Variants in TNRC6A observed in about 807,000 individuals in gnomAD.
The protein encoded by TNRC6A is trinucleotide repeat-containing gene 6A protein.
In TNRC6A, 44 loss-of-function variants were observed where a neutral mutation model predicts 221.2. That is an observed-to-expected ratio of 0.20 (90% CI 0.16 to 0.26). The LOEUF (loss-of-function observed/expected upper bound fraction) is 0.26, where lower values mean the gene tolerates loss of function less well. Ranked by LOEUF, TNRC6A falls within the 10% of genes least tolerant of loss-of-function variation. The pLI, the probability that TNRC6A is intolerant of heterozygous loss-of-function variation, is 1.00. For missense variants in TNRC6A, 2,199 were observed against 2,404.4 expected (o/e 0.91, Z 1.79); for synonymous variants, 847 against 838.5 (o/e 1.01, Z -0.18).
At chr16:24,754,234 A>G (rs376575494) in intron 3 of TNRC6A, among the ~76,000 whole-genome samples, 3 of 152,238 alleles carry the variant, frequency 2.0e-5, no homozygotes, top group African/African-American at 7.2e-5. Flanking sequence ...TATAAAAACA[A>G]TTAGACACCG....
At chr16:24,710,781 G>A (rs1031078447) in intron 2 of TNRC6A, among the ~76,000 whole-genome samples, 1 of 150,970 alleles carries the variant, frequency 6.6e-6, no homozygotes, top group Non-Finnish European at 1.5e-5. Flanking sequence ...GTGCGATCGT[G>A]GCTCACTGCA....
At chr16:24,737,294 A>G (rs920916486) in intron 2 of TNRC6A, among the ~76,000 whole-genome samples, 19 of 152,224 alleles carry the variant, frequency 1.2e-4, no homozygotes, top group Non-Finnish European at 1.5e-4. Context: ...AATAGTATCA[A>G]TAAGAGGAAG....
chr16:24,750,686 A>G, intron 2 of TNRC6A, 40 bp from the exon 3 acceptor site: 3 of 1,490,748 alleles, frequency 2.0e-6, no homozygotes, highest in Non-Finnish European at 2.7e-6. Context: ...TTTATTTCTT[A>G]ATACATTTTG....
At chr16:24,777,477 T>G in intron 5 of TNRC6A, 119 bp downstream of exon 5, 1 of 950,104 alleles carries the variant, frequency 1.1e-6, no homozygotes, top group Non-Finnish European at 1.6e-6. Context: ...GGCTTTAATG[T>G]AAGAGTTCTT....
intron 1 of TNRC6A, among the ~76,000 whole-genome samples, chr16:24,615,151 T>C (rs1900278824): frequency 6.6e-6 from 1 of 151,906 alleles, no homozygotes; most frequent in Non-Finnish European, 1.5e-5. Context: ...GTGTAAGAGG[T>C]AGAAATAACA....
At chr16:24,659,033 T>A (rs138413594) in intron 2 of TNRC6A, among the ~76,000 whole-genome samples, 255 of 152,132 alleles carry the variant, frequency 1.7e-3, no homozygotes, top group African/African-American at 5.3e-3. Flanking sequence ...GGTCTTGAAC[T>A]CCTGAGCTCA....
In TNRC6A at chr16:24,747,117, T is replaced by TA. The variant is rs1313395072; in HGVS notation, c.54-3608dup. 2.6e-5 allele frequency among the ~76,000 whole-genome samples: 4 copies of TA among 152,326 alleles called. 1 individual carries two copies. The Middle Eastern group carries it at 0.01, about 389-fold the overall frequency. ...ATCTATTTGTTTTTTCAGATCGAGA[T>TA]ATTGCATTTCCCCTAGTCAATGTAT... On this transcript the variant is annotated intron_variant, in intron 2 of 24. Coordinates refer to ENST00000395799, the MANE Select transcript of TNRC6A (RefSeq NM_014494.4).
intron 5 of TNRC6A, among the ~76,000 whole-genome samples, chr16:24,787,534 C>T (rs1316172677): frequency 6.6e-6 from 1 of 152,170 alleles, no homozygotes; most frequent in Non-Finnish European, 1.5e-5. Flanking sequence ...TGTTGGTTTG[C>T]TTACACCCAA....
rs1431952137 is a variant in TNRC6A at position 24,750,867 on chromosome 16, A to AC, written c.141+54_141+55insC. Reference sequence around the variant, plus strand: ...AGCAGTTTAAACATAGAATTAAAAAAAAATTACTCTTACAGATTTTGAAGG... The same window carrying AC: ...AGCAGTTTAAACATAGAATTAAAAAACAAATTACTCTTACAGATTTTGAAGG... On this transcript the variant is annotated intron_variant, in intron 3 of 24. Transcript: ENST00000395799. 3.0e-6 allele frequency: 4 copies of AC among 1,350,812 alleles called. No individual in the cohort carries two copies. The African/African-American group carries it at 6.0e-5, about 20-fold the overall frequency. 83.7% of individuals were successfully genotyped at this position (1,350,812 alleles called of 1,614,324 possible).
intron 1 of TNRC6A, among the ~76,000 whole-genome samples, chr16:24,628,160 T>G (rs1427303204): frequency 5.9e-5 from 9 of 151,944 alleles, no homozygotes. Context: ...GGCTCATGCC[T>G]GTAATCCCAG....
At chr16:24,783,601 A>T (rs1168124648) in intron 5 of TNRC6A, among the ~76,000 whole-genome samples, 1 of 151,510 alleles carries the variant, frequency 6.6e-6, no homozygotes, top group Non-Finnish European at 1.5e-5. Context: ...GTAGGATGTT[A>T]ATGATGCTTT....
At chr16:24,610,632 C>A (rs960096475) in intron 1 of TNRC6A, 1 of 152,344 alleles carries the variant, frequency 6.6e-6, no homozygotes, top group African/African-American at 2.4e-5. Flanking sequence ...GCCAAACAGA[C>A]GCAGCCTTCC....
chr16:24,797,381 T>C (rs1424859059), intron 9 of TNRC6A, 109 bp from the exon 10 acceptor site: 7 of 721,470 alleles, frequency 9.7e-6, no homozygotes, highest in South Asian at 2.2e-5. Context: ...GGAGAAATTA[T>C]TGGCTAAAAA....
At chr16:24,659,518 C>T (rs113089411) in intron 2 of TNRC6A, among the ~76,000 whole-genome samples, 5,274 of 152,194 alleles carry the variant, frequency 0.035, 213 homozygotes, top group East Asian at 0.14. Flanking sequence ...ACATGGCTCA[C>T]GGCAGCCTCT....
chr16:24,818,447 G>A, intron 20 of TNRC6A, 146 bp from the exon 21 acceptor site: 1 of 657,736 alleles, frequency 1.5e-6, no homozygotes, highest in Admixed American at 2.4e-5. Context: ...CAAGAAGGAA[G>A]ATGTCTCGGG....
chr16:24,806,293 G>A lies in TNRC6A; in HGVS notation c.4329+10G>A, dbSNP rs11859919. 1.7e-3 allele frequency: 2,703 copies of A among 1,613,800 alleles called. 35 individuals carry two copies. The African/African-American group carries it at 0.03, about 18-fold the overall frequency. ...GCAGCAAGACCAGCAGGTAGAGCCCGCCCTGCAACTCGCAATGCTGTCTTT... is the reference window on the plus strand; with the variant it reads ...GCAGCAAGACCAGCAGGTAGAGCCCACCCTGCAACTCGCAATGCTGTCTTT... On this transcript the variant is annotated intron_variant, in intron 16 of 24. Transcript: ENST00000395799.
At chr16:24,640,331 C>T (rs1901872559) in intron 1 of TNRC6A, among the ~76,000 whole-genome samples, 1 of 151,436 alleles carries the variant, frequency 6.6e-6, no homozygotes, top group Admixed American at 6.6e-5. Context: ...GCCTGGGAGG[C>T]CAAGGCTGCA....
chr16:24,730,145 C>T (rs867117243), intron 1 of TNRC6A, 108 bp from the exon 2 acceptor site: 19 of 1,119,048 alleles, frequency 1.7e-5, no homozygotes, highest in Non-Finnish European at 2.0e-5. Flanking sequence ...CTCCCCTCCC[C>T]CATCCGGCCC....
Position 24,806,199 on chromosome 16 carries a change from C to T in TNRC6A, c.4252-7C>T. ...TAGTAACAACCTTTTCGCTATCTTT[C>T]CTCTAGCGATTGTTAGCGCAGCAGC... On this transcript the variant is annotated splice_region_variant and splice_polypyrimidine_tract_variant and intron_variant, in intron 15 of 24. Coordinates refer to ENST00000395799, the MANE Select transcript of TNRC6A (RefSeq NM_014494.4). 6.2e-7 allele frequency: 1 copy of T among 1,613,824 alleles called. No individual in the cohort carries two copies. The highest frequency in any genetic ancestry group is 2.2e-5 in the East Asian group (1 of 44,884).
Sources: gnomAD v4.1 joint callset for allele counts (sites outside exome capture counted in the v4.1 genomes callset) on GRCh38, gnomAD v4.1.1 for gene constraint, MANE v1.5 for transcripts, NCBI Gene and HGNC (gene_info 2026-07-23, HGNC 2026-07-21) for gene names.